MDH2: variants seen among roughly 807,000 people sequenced by gnomAD.
MDH2 encodes the protein malate dehydrogenase, mitochondrial.
In MDH2, 25 loss-of-function variants were observed where a neutral mutation model predicts 33.6. That is an observed-to-expected ratio of 0.74 (90% CI 0.54 to 1.04). MDH2 has a LOEUF of 1.04. Ranked by LOEUF, MDH2 falls within the 50% of genes least tolerant of loss-of-function variation. The probability of loss-of-function intolerance (pLI) is 0.00; values close to 1 mark genes in which losing one functional copy is unlikely to be tolerated. For synonymous variants in MDH2, 193 were observed against 188.7 expected, an observed-to-expected ratio of 1.02 and a Z score of -0.19; for missense variants, 432 against 445.0, an observed-to-expected ratio of 0.97 and a Z score of 0.26.
At chr7:76,059,621 CTG>C (rs1942305936) in intron 4 of MDH2, among the ~76,000 whole-genome samples, 1 of 152,158 alleles carries the variant, frequency 6.6e-6, no homozygotes, top group African/African-American at 2.4e-5. Context: ...GTCCTGGTGT[CTG>C]AGGATGAGGA....
chr7:76,050,112 A>G (rs533075057), intron 1 of MDH2, among the ~76,000 whole-genome samples: 18 of 152,024 alleles, frequency 1.2e-4, no homozygotes, highest in African/African-American at 3.9e-4. Flanking sequence ...GCTCACTGCA[A>G]CCAACTCTTG....
Position 76,060,508 on chromosome 7 carries a change from G to C in MDH2, c.555+10G>C. ...TGTTGCAGAGCTGAAGGTAAGGGCG[G>C]CGTGGGTGTTGCTCAGGTGACCTTT... On this transcript the variant is annotated intron_variant, in intron 5 of 8. Transcript: ENST00000315758. The C allele has an allele frequency of 6.2e-7, 1 of 1,613,892 alleles. No homozygotes were observed. The highest frequency in any genetic ancestry group is 8.5e-7 in the Non-Finnish European group (1 of 1,179,894).
At chr7:76,060,595 G>A (rs1797919950) in intron 5 of MDH2, 97 bp downstream of exon 5, 20 of 1,512,700 alleles carry the variant, frequency 1.3e-5, no homozygotes, top group Middle Eastern at 2.1e-4. Flanking sequence ...GCATGCCCAG[G>A]TCACGTGTCA....
chr7:76,062,068 C>T (rs1351936935), intron 5 of MDH2, among the ~76,000 whole-genome samples: 1 of 152,176 alleles, frequency 6.6e-6, no homozygotes, highest in Non-Finnish European at 1.5e-5. Context: ...TCCCGTCCCC[C>T]ACCTCCAACA....
chr7:76,048,307 A>G (rs1797394115), intron 1 of MDH2, 81 bp downstream of exon 1: 1 of 1,487,036 alleles, frequency 6.7e-7, no homozygotes, highest in African/African-American at 1.4e-5. Flanking sequence ...GGCAGCTCTG[A>G]CCCTCTCCAG....
At chr7:76,060,670 G>A (rs1554586891) in intron 5 of MDH2, among the ~76,000 whole-genome samples, 172 bp downstream of exon 5, 1 of 152,028 alleles carries the variant, frequency 6.6e-6, no homozygotes, top group African/African-American at 2.4e-5. Flanking sequence ...TGTTTCCTGT[G>A]GGTTCCAGGC....
chr7:76,060,316 G>T, intron 4 of MDH2, 57 bp from the exon 5 acceptor site: 4 of 1,600,740 alleles, frequency 2.5e-6, no homozygotes, highest in Non-Finnish European at 3.4e-6. Context: ...TCCTGCTGTG[G>T]CTTGGCCCTG....
intron 4 of MDH2, 138 bp from the exon 5 acceptor site, chr7:76,060,235 C>A: frequency 8.8e-7 from 1 of 1,141,106 alleles, no homozygotes; most frequent in Non-Finnish European, 1.2e-6. Flanking sequence ...ACAGAGTTAT[C>A]AGACAGGGCA....
chr7:76,058,598 A>G (rs1445305454), intron 4 of MDH2, among the ~76,000 whole-genome samples: 1 of 152,250 alleles, frequency 6.6e-6, no homozygotes, highest in Non-Finnish European at 1.5e-5. Flanking sequence ...GAGATTAACA[A>G]CAACAACTCA....
Position 76,066,352 on chromosome 7 carries a change from T to C in MDH2, c.959T>C (p.Ile320Thr), listed in dbSNP as rs1554587897. Reference sequence around the variant, plus strand: ...GAGGAGAAGATGATCTCGGATGCCATCCCCGAGCTGAAGGCCTCCATCAAG... The same window carrying C: ...GAGGAGAAGATGATCTCGGATGCCACCCCCGAGCTGAAGGCCTCCATCAAG... ...SFEEKMISDA[I>T]PELKASIKKG... Residue 320 changes from isoleucine to threonine, a missense_variant, in exon 9 of 9, where the codon ATC becomes ACC. By Grantham distance (89) the Ile-to-Thr change is moderately conservative (BLOSUM62 -1). Coordinates refer to ENST00000315758, the MANE Select transcript of MDH2 (RefSeq NM_005918.4). The C allele has an allele frequency of 1.2e-6, 2 of 1,610,192 alleles. No homozygotes were observed. The highest frequency in any genetic ancestry group is 1.7e-6 in the Non-Finnish European group (2 of 1,178,928).
chr7:76,064,790 G>T lies in MDH2; in HGVS notation c.734-12G>T. On this transcript the variant is annotated splice_polypyrimidine_tract_variant and intron_variant, in intron 7 of 8. Coordinates refer to ENST00000315758, the MANE Select transcript of MDH2 (RefSeq NM_005918.4). ...TGGCACCAGCCAGGCTGACCTGTCT[G>T]TGCCCCCCTAGGCTCTGCCACCCTC... 1 of 1,611,838 alleles carries T rather than the reference G, an allele frequency of 6.2e-7. No homozygotes were observed. Among genetic ancestry groups the T allele is most frequent in the Middle Eastern group, 1.8e-4 (1 of 5,692 alleles).
At chr7:76,066,216 C>T (rs1470381719) in intron 8 of MDH2, 63 bp from the exon 9 acceptor site, 8 of 1,577,888 alleles carry the variant, frequency 5.1e-6, no homozygotes, top group Admixed American at 1.8e-5. Context: ...AGCGACAGGT[C>T]GGGGTTTCTC....
chr7:76,061,743 ATCCCACC>A (rs201244181), intron 5 of MDH2, among the ~76,000 whole-genome samples: 2 of 151,876 alleles, frequency 1.3e-5, no homozygotes, highest in African/African-American at 2.4e-5. Context: ...AACAGGCAGG[ATCCCACC>A]TCCCACCTCC....
intron 7 of MDH2, 147 bp downstream of exon 7, chr7:76,064,585 G>A: frequency 1.1e-6 from 1 of 923,622 alleles, no homozygotes; most frequent in Non-Finnish European, 1.6e-6. Context: ...CTGTGTGAGA[G>A]GGCAGCTCGG....
intron 4 of MDH2, among the ~76,000 whole-genome samples, chr7:76,058,975 G>A (rs538657141): frequency 1.4e-4 from 22 of 152,130 alleles, no homozygotes; most frequent in Non-Finnish European, 3.1e-4. Context: ...TTTGTTTTTG[G>A]CTCTGTCGCC....
At chr7:76,059,842 C>T (rs923056283) in intron 4 of MDH2, among the ~76,000 whole-genome samples, 1 of 152,194 alleles carries the variant, frequency 6.6e-6, no homozygotes, top group South Asian at 2.1e-4. Context: ...CATCTTCTGG[C>T]GTCCCGGGTG....
At chr7:76,065,049 G>C in intron 8 of MDH2, 96 bp downstream of exon 8, 2 of 1,428,380 alleles carry the variant, frequency 1.4e-6, no homozygotes, top group Admixed American at 1.9e-5. Flanking sequence ...TATGCAGTAA[G>C]CTCATGTGCC....
chr7:76,054,673 T>C, intron 1 of MDH2, 157 bp from the exon 2 acceptor site: 2 of 882,918 alleles, frequency 2.3e-6, no homozygotes, highest in South Asian at 1.5e-5. Flanking sequence ...ATGAAGGTCC[T>C]GAATTCTTCC....
chr7:76,054,532 G>A (rs1554585913), intron 1 of MDH2: 1 of 383,674 alleles, frequency 2.6e-6, no homozygotes, highest in African/African-American at 2.1e-5. Flanking sequence ...TGAAGGGAAG[G>A]CTGCTGTTAC....
Sources: gnomAD v4.1 joint callset for allele counts (sites outside exome capture counted in the v4.1 genomes callset) on GRCh38, gnomAD v4.1.1 for gene constraint, MANE v1.5 for transcripts, NCBI Gene and HGNC (gene_info 2026-07-23, HGNC 2026-07-21) for gene names.